SEMA5A: variants seen among roughly 807,000 people sequenced by gnomAD.
SEMA5A encodes semaphorin-5A.
A neutral mutation model predicts 135.5 loss-of-function variants in SEMA5A; 55 were observed. The observed-to-expected ratio is 0.41, with a 90% confidence interval of 0.33 to 0.51. The LOEUF (loss-of-function observed/expected upper bound fraction) is 0.51. Ranked by LOEUF, SEMA5A falls within the 20% of genes least tolerant of loss-of-function variation. SEMA5A has a pLI of 0.37. For missense variants in SEMA5A, 1,290 were observed against 1,419.9 expected (o/e 0.91, Z 1.47); for synonymous variants, 580 against 546.5 (o/e 1.06, Z -0.85).
At chr5:9,535,719 A>T (rs1737724713) in intron 1 of SEMA5A, among the ~76,000 whole-genome samples, 1 of 152,072 alleles carries the variant, frequency 6.6e-6, no homozygotes. Context: ...CAAAGATGGA[A>T]AAGAGGGGGG....
At chr5:9,223,506 T>C (rs376965535) in intron 8 of SEMA5A, among the ~76,000 whole-genome samples, 9 of 152,280 alleles carry the variant, frequency 5.9e-5, no homozygotes, top group East Asian at 1.9e-4. Flanking sequence ...ATAATGACTA[T>C]AGGTTGAAAA....
chr5:9,421,049 A>G (rs953790986), intron 2 of SEMA5A, among the ~76,000 whole-genome samples: 6 of 152,112 alleles, frequency 3.9e-5, no homozygotes, highest in African/African-American at 1.4e-4. Flanking sequence ...TCATGGCCAC[A>G]TTTCCAAAAT....
At chr5:9,445,828 A>G (rs1378618570) in intron 1 of SEMA5A, among the ~76,000 whole-genome samples, 2 of 152,174 alleles carry the variant, frequency 1.3e-5, no homozygotes, top group Admixed American at 1.3e-4. Flanking sequence ...TCATTTAATC[A>G]TGCAAATATC....
rs150806250 is a variant in SEMA5A at position 9,536,139 on chromosome 5, T to C, written c.-175+9445A>G. Reference sequence around the variant, plus strand: ...TTGGTGCACCCACTTTTACATGGGTTTGGGGGAGGACGGTTTGGCTCAAAA... The same window carrying C: ...TTGGTGCACCCACTTTTACATGGGTCTGGGGGAGGACGGTTTGGCTCAAAA... On this transcript the variant is annotated intron_variant, in intron 1 of 22. Coordinates refer to ENST00000382496, the MANE Select transcript of SEMA5A (RefSeq NM_003966.3). Among the ~76,000 whole-genome samples, 119 of 152,182 alleles carry C rather than the reference T, an allele frequency of 7.8e-4. 1 individual carries two copies. In the East Asian group the frequency reaches 0.022, roughly 28 times the overall value.
At chr5:9,132,192 A>G (rs1042028213) in intron 13 of SEMA5A, among the ~76,000 whole-genome samples, 4 of 152,190 alleles carry the variant, frequency 2.6e-5, no homozygotes, top group African/African-American at 9.6e-5. Flanking sequence ...TCTGTAGAAA[A>G]TAAGTCTTCT....
At chr5:9,232,231 T>G (rs1347212675) in intron 6 of SEMA5A, among the ~76,000 whole-genome samples, 1 of 152,178 alleles carries the variant, frequency 6.6e-6, no homozygotes, top group Non-Finnish European at 1.5e-5. Context: ...CAGGTATCTC[T>G]TCAGCAATAC....
chr5:9,168,284 G>A (rs1743722822), intron 11 of SEMA5A, among the ~76,000 whole-genome samples: 1 of 152,168 alleles, frequency 6.6e-6, no homozygotes, highest in Non-Finnish European at 1.5e-5. Flanking sequence ...CAGTGGGCCT[G>A]AGGACCATCG....
chr5:9,265,490 C>T (rs7734564), intron 5 of SEMA5A: 185,701 of 456,004 alleles, frequency 0.41, 39,332 homozygotes, highest in East Asian at 0.48. Context: ...ACTCTTCTGC[C>T]GCGGGACTCC....
intron 5 of SEMA5A, among the ~76,000 whole-genome samples, chr5:9,269,023 T>G (rs1749830468): frequency 6.6e-6 from 1 of 152,150 alleles, no homozygotes; most frequent in African/African-American, 2.4e-5. Flanking sequence ...ACATTTTTGT[T>G]TCTCCAGGTT....
At chr5:9,419,091 A>AT (rs11313934) in intron 2 of SEMA5A, among the ~76,000 whole-genome samples, 43,371 of 150,412 alleles carry the variant, frequency 0.29, 6,296 homozygotes, top group Non-Finnish European at 0.31. Context: ...GATTTCAAGC[A>AT]TTTTTTTTTT....
intron 16 of SEMA5A, among the ~76,000 whole-genome samples, chr5:9,079,431 T>C (rs7703909): frequency 0.72 from 108,729 of 151,722 alleles, 40,131 homozygotes; most frequent in East Asian, 0.95. Flanking sequence ...GGGAAATTTA[T>C]AGCACTAAAT....
At chr5:9,142,997 GA>G (rs937075605) in intron 12 of SEMA5A, among the ~76,000 whole-genome samples, 33 of 152,096 alleles carry the variant, frequency 2.2e-4, no homozygotes, top group African/African-American at 7.7e-4. Flanking sequence ...AAATAAGACT[GA>G]AGAAAATTCC....
chr5:9,052,008 C>A lies in SEMA5A; in HGVS notation c.2710G>T (p.Asp904Tyr). The A allele has an allele frequency of 6.2e-7, 1 of 1,609,004 alleles. No homozygotes were observed. The highest frequency in any genetic ancestry group is 8.5e-7 in the Non-Finnish European group (1 of 1,177,206). ...PCPESWSEWS[D>Y]WSECEASGVQ... The stretch of plus-strand genomic sequence containing the variant: ...CCAGAGGCTTCACACTCAGACCAGT[C>A]CGACCACTCCGACCAGCTCTCTGCA... The change falls in exon 20 of 23, where the codon GAC (aspartate) becomes TAC (tyrosine). Residue 904 changes from aspartate (D) to tyrosine (Y), a missense_variant. Asp to Tyr is a radical substitution (Grantham distance 160). Around this residue, in one of 3 missense-constraint regions of SEMA5A, gnomAD observed 1,029 missense variants for 1,086.6 expected, o/e 0.95. Transcript: ENST00000382496.
intron 1 of SEMA5A, among the ~76,000 whole-genome samples, chr5:9,448,428 C>T (rs1182709745): frequency 6.6e-6 from 1 of 152,164 alleles, no homozygotes; most frequent in African/African-American, 2.4e-5. Context: ...ACATGGTAAA[C>T]CCCTAGCAGG....
At chr5:9,522,924 T>C (rs1340332637) in intron 1 of SEMA5A, 1 of 152,182 alleles carries the variant, frequency 6.6e-6, no homozygotes, top group Non-Finnish European at 1.5e-5. Context: ...AAACAGTTTC[T>C]CTAGGGCCAT....
chr5:9,215,197 T>C (rs1806025), intron 8 of SEMA5A, among the ~76,000 whole-genome samples: 4,461 of 152,278 alleles, frequency 0.029, 232 homozygotes, highest in African/African-American at 0.1. Flanking sequence ...GGAGATGATA[T>C]GGCTGATATA....
chr5:9,228,025 A>G (rs1747414542), intron 6 of SEMA5A, among the ~76,000 whole-genome samples: 2 of 152,202 alleles, frequency 1.3e-5, no homozygotes, highest in South Asian at 4.1e-4. Flanking sequence ...AGTGATGGAC[A>G]TGTGAGCTGG....
chr5:9,165,544 G>A (rs1743558219), intron 11 of SEMA5A, among the ~76,000 whole-genome samples: 1 of 152,212 alleles, frequency 6.6e-6, no homozygotes, highest in Non-Finnish European at 1.5e-5. Flanking sequence ...GACAAGGCTG[G>A]AGATTCATGT....
intron 1 of SEMA5A, among the ~76,000 whole-genome samples, chr5:9,497,932 T>C (rs1199538283): frequency 6.6e-6 from 1 of 152,182 alleles, no homozygotes; most frequent in East Asian, 1.9e-4. Flanking sequence ...TGCAACTCCT[T>C]GGGGACATGA....
Sources: allele counts gnomAD v4.1 joint callset (sites outside exome capture counted in the v4.1 genomes callset), GRCh38; gene constraint gnomAD v4.1.1; regional missense constraint gnomAD v4.1.1; transcripts MANE v1.5; gene names NCBI Gene and HGNC (gene_info 2026-07-23, HGNC 2026-07-21).